The following KIAA1328 variants were observed in gnomAD, a reference collection of about 807,000 sequenced individuals.
The protein encoded by KIAA1328 is protein hinderin.
KIAA1328 carries 52 observed loss-of-function variants against 68.1 expected under a neutral mutation model. The observed-to-expected ratio is 0.76, with a 90% CI of 0.61 to 0.96. The LOEUF (loss-of-function observed/expected upper bound fraction) is 0.96, where lower values mean the gene tolerates loss of function less well. Among genes scored for constraint, KIAA1328 ranks in the 40% least tolerant of loss-of-function variants. The pLI, the probability that KIAA1328 is intolerant of heterozygous loss-of-function variation, is 0.00. For synonymous variants in KIAA1328, 232 were observed against 239.4 expected (o/e 0.97, Z 0.28); for missense variants, 641 against 677.6 (o/e 0.95, Z 0.60).
At chr18:36,980,733 G>T (rs2151371200) in intron 6 of KIAA1328, among the ~76,000 whole-genome samples, 1 of 152,300 alleles carries the variant, frequency 6.6e-6, no homozygotes, top group South Asian at 2.1e-4. Context: ...CCCGGTGGGA[G>T]ATGAATGAAT....
At chr18:36,880,425 G>A (rs958640994) in intron 4 of KIAA1328, among the ~76,000 whole-genome samples, 16 of 152,190 alleles carry the variant, frequency 1.1e-4, no homozygotes, top group African/African-American at 3.9e-4. Context: ...CTTCTGCGTT[G>A]GTCTCACTGG....
At position 37,224,152 on chromosome 18, in the gene KIAA1328, T is replaced by C; in HGVS notation, c.*1925T>C. 1.0e-6 allele frequency: 1 copy of C among 985,370 alleles called. No homozygotes were observed. The highest frequency in any genetic ancestry group is 1.2e-6 in the Non-Finnish European group (1 of 829,924). The allele number at this position is 985,370 out of a possible 1,614,324, so 61.0% of individuals were successfully genotyped here. Reference sequence around the variant, plus strand: ...CTTGCCCCCTGTGTCATGACTAGCTTAAGTGTACTTGACTCCCATAGACTA... The same window carrying C: ...CTTGCCCCCTGTGTCATGACTAGCTCAAGTGTACTTGACTCCCATAGACTA... On this transcript the variant is annotated 3_prime_UTR_variant, in exon 10 of 10. Transcript: ENST00000280020.
At chr18:36,836,655 T>C (rs2046684639) in intron 3 of KIAA1328, among the ~76,000 whole-genome samples, 1 of 152,142 alleles carries the variant, frequency 6.6e-6, no homozygotes, top group Non-Finnish European at 1.5e-5. Flanking sequence ...AATTCACCTT[T>C]TTAAAGTGTA....
chr18:36,861,211 T>C (rs775816943), intron 4 of KIAA1328, among the ~76,000 whole-genome samples: 10 of 152,126 alleles, frequency 6.6e-5, no homozygotes, highest in Non-Finnish European at 1.2e-4. Context: ...TAGTCAGATA[T>C]TTTGTAGTAT....
intron 5 of KIAA1328, among the ~76,000 whole-genome samples, chr18:36,949,600 C>CCA (rs1556833410): frequency 3.7e-5 from 4 of 108,618 alleles, no homozygotes; most frequent in Admixed American, 9.9e-5. Flanking sequence ...ACCCAGCTCC[C>CCA]CCCCCCCCAC....
At chr18:36,947,703 T>G (rs1453242187) in intron 5 of KIAA1328, among the ~76,000 whole-genome samples, 2 of 152,120 alleles carry the variant, frequency 1.3e-5, no homozygotes, top group South Asian at 2.1e-4. Flanking sequence ...AGCTAATCTC[T>G]TCAGGAACAG....
intron 5 of KIAA1328, among the ~76,000 whole-genome samples, chr18:36,945,978 A>G (rs1436725347): frequency 6.6e-6 from 1 of 152,226 alleles, no homozygotes; most frequent in East Asian, 1.9e-4. Flanking sequence ...TATACTTACC[A>G]GTTGAACATC....
intron 7 of KIAA1328, among the ~76,000 whole-genome samples, chr18:37,142,223 G>A (rs1225842315): frequency 2.6e-5 from 4 of 151,708 alleles, no homozygotes; most frequent in Non-Finnish European, 5.9e-5. Context: ...ATGGAGTCTC[G>A]CTCCGTCACC....
chr18:37,199,304 T>C (rs1437959393), intron 9 of KIAA1328, among the ~76,000 whole-genome samples: 1 of 152,174 alleles, frequency 6.6e-6, no homozygotes, highest in African/African-American at 2.4e-5. Context: ...TATGTGTCCA[T>C]GTGTTACCGT....
At chr18:36,972,645 A>G (rs183815298) in intron 6 of KIAA1328, among the ~76,000 whole-genome samples, 77 of 152,342 alleles carry the variant, frequency 5.1e-4, no homozygotes, top group African/African-American at 1.7e-3. Context: ...GTTAACTTAC[A>G]TAAAAAAGAA....
chr18:37,069,806 GT>G (rs1487849112), intron 7 of KIAA1328, among the ~76,000 whole-genome samples: 1 of 151,802 alleles, frequency 6.6e-6, no homozygotes, highest in African/African-American at 2.4e-5. Context: ...TTTTGTTATT[GT>G]TTTTCTGTTT....
intron 4 of KIAA1328, among the ~76,000 whole-genome samples, chr18:36,870,130 G>A (rs2047897158): frequency 6.6e-6 from 1 of 152,086 alleles, no homozygotes; most frequent in African/African-American, 2.4e-5. Flanking sequence ...CCAAAGTGCT[G>A]GAATTACAGG....
At chr18:36,915,369 C>T (rs1394703535) in intron 5 of KIAA1328, among the ~76,000 whole-genome samples, 1 of 105,556 alleles carries the variant, frequency 9.5e-6, no homozygotes, top group Admixed American at 1.1e-4. Flanking sequence ...TTGAAAGATA[C>T]TGTTAAAGAG....
At chr18:36,972,415 T>G (rs2052264166) in intron 6 of KIAA1328, among the ~76,000 whole-genome samples, 1 of 152,196 alleles carries the variant, frequency 6.6e-6, no homozygotes, top group South Asian at 2.1e-4. Context: ...TACCCTTATA[T>G]AATTAATAAT....
intron 6 of KIAA1328, among the ~76,000 whole-genome samples, chr18:36,983,388 C>A (rs2052775053): frequency 6.6e-6 from 1 of 151,878 alleles, no homozygotes; most frequent in South Asian, 2.1e-4. Context: ...ACTTAAAAAA[C>A]AGAGTTAAAA....
chr18:36,918,601 G>T (rs2151098489), intron 5 of KIAA1328, among the ~76,000 whole-genome samples: 1 of 152,112 alleles, frequency 6.6e-6, no homozygotes, highest in Non-Finnish European at 1.5e-5. Context: ...TTTTAGTAGA[G>T]ACGGGGTTTC....
In KIAA1328 at chr18:37,216,988, TTG is replaced by T. The variant is rs1384597675; in HGVS notation, c.1524-5027_1524-5026del. Among the ~76,000 whole-genome samples the T allele has an allele frequency of 2.9e-3, 355 of 120,548 alleles. 5 individuals carry two copies. The highest frequency in any genetic ancestry group is 0.013 in the African/African-American group (327 of 25,726). The allele number at this position is 120,548 out of a possible 152,430, so 79.1% of individuals were successfully genotyped here. On this transcript the variant is annotated intron_variant, in intron 9 of 9. Coordinates refer to ENST00000280020, the MANE Select transcript of KIAA1328 (RefSeq NM_020776.3). ...CCCCTGCTTTTTTTTTGTTTTTTTT[TTG>T]TTTGTTTTTTTTTTGCTTTCCATTT...
At chr18:36,901,342 A>G (rs904875643) in intron 5 of KIAA1328, among the ~76,000 whole-genome samples, 1 of 152,094 alleles carries the variant, frequency 6.6e-6, no homozygotes, top group Non-Finnish European at 1.5e-5. Flanking sequence ...CAAATGTGAC[A>G]GCAGAACTAA....
At chr18:36,957,922 C>A (rs2051492188) in intron 5 of KIAA1328, among the ~76,000 whole-genome samples, 1 of 152,044 alleles carries the variant, frequency 6.6e-6, no homozygotes, top group African/African-American at 2.4e-5. Context: ...ATGTTTATTA[C>A]CTTTCCCCCA....
Sources: allele counts gnomAD v4.1 joint callset (sites outside exome capture counted in the v4.1 genomes callset), GRCh38; gene constraint gnomAD v4.1.1; transcripts MANE v1.5; gene names NCBI Gene and HGNC (gene_info 2026-07-23, HGNC 2026-07-21).